Variants in ZC3H3 observed in about 807,000 individuals in gnomAD.
The protein encoded by ZC3H3 is zinc finger CCCH-type containing 3, also known as zinc finger CCCH domain-containing protein 3.
A neutral mutation model predicts 77.3 loss-of-function variants in ZC3H3; 36 were observed. That is an observed-to-expected ratio of 0.47 (90% CI 0.36 to 0.61). The LOEUF (loss-of-function observed/expected upper bound fraction) is 0.61, where lower values mean the gene tolerates loss of function less well. ZC3H3 is among the 20% of genes least tolerant of loss of function. The probability of loss-of-function intolerance (pLI) is 0.00; values close to 1 mark genes in which losing one functional copy is unlikely to be tolerated. For synonymous variants in ZC3H3, 626 were observed against 555.2 expected (o/e 1.13, Z -1.79); for missense variants, 1,331 against 1,312.2 (o/e 1.01, Z -0.22).
intron 3 of ZC3H3, among the ~76,000 whole-genome samples, chr8:143,528,469 G>A (rs1822491300): frequency 6.6e-6 from 1 of 152,216 alleles, no homozygotes; most frequent in Admixed American, 6.5e-5. Flanking sequence ...GCCTCCCGGG[G>A]AGATCGCCAG....
chr8:143,485,418 C>T (rs935483935), intron 4 of ZC3H3, among the ~76,000 whole-genome samples: 5 of 152,198 alleles, frequency 3.3e-5, no homozygotes, highest in African/African-American at 1.2e-4. Flanking sequence ...ACAGCCCATA[C>T]ATCTGCTCAC....
At chr8:143,509,793 A>G (rs1821817241) in intron 3 of ZC3H3, among the ~76,000 whole-genome samples, 1 of 152,084 alleles carries the variant, frequency 6.6e-6, no homozygotes, top group African/African-American at 2.4e-5. Flanking sequence ...TCCCCTCCCC[A>G]TCAACCTCTT....
Position 143,507,864 on chromosome 8 carries a change from T to A in ZC3H3, c.1597A>T (p.Ser533Cys). ...CGGTAGCGGGTCTTGATCACCTTGC[T>A]GGTGGGTGCAGTCCGCACGGCATGC... is the stretch of plus-strand genomic sequence containing the variant. ...SLHAVRTAPT[S>C]KVIKTRYRIV... The change falls in exon 4 of 12, where the codon AGC becomes TGC. Residue 533 changes from serine to cysteine, a missense_variant. Physicochemically the swap from Ser to Cys is moderately radical, Grantham distance 112 (BLOSUM62 -1). This residue lies in a region of ZC3H3 where 978 missense variants were observed against 915.5 expected (regional missense o/e 1.07). Transcript: ENST00000262577. 6.2e-7 allele frequency: 1 copy of A among 1,609,482 alleles called. No homozygotes were observed. Among genetic ancestry groups the A allele is most frequent in the South Asian group, 1.1e-5 (1 of 90,708 alleles).
intron 8 of ZC3H3, among the ~76,000 whole-genome samples, chr8:143,467,740 A>G (rs939985513): frequency 1.3e-5 from 2 of 152,168 alleles, no homozygotes; most frequent in African/African-American, 4.8e-5. Context: ...CACATGAGCC[A>G]GGAGTCCAGC....
intron 3 of ZC3H3, among the ~76,000 whole-genome samples, chr8:143,510,809 A>G (rs1202231239): frequency 6.6e-6 from 1 of 152,128 alleles, no homozygotes; most frequent in African/African-American, 2.4e-5. Context: ...TCCCCTCATT[A>G]CAGACTCCCA....
intron 1 of ZC3H3, among the ~76,000 whole-genome samples, chr8:143,540,918 C>G (rs1300523731): frequency 6.6e-6 from 1 of 151,746 alleles, no homozygotes; most frequent in South Asian, 2.1e-4. Context: ...ATCGCGTCAC[C>G]GCACCCCAGC....
intron 9 of ZC3H3, among the ~76,000 whole-genome samples, chr8:143,457,007 A>T (rs1272728769): frequency 1.3e-5 from 2 of 152,248 alleles, no homozygotes; most frequent in Non-Finnish European, 2.9e-5. Context: ...AATTATAGTT[A>T]GAGACTTCAG....
At chr8:143,447,043 T>A (rs1342661395) in intron 9 of ZC3H3, among the ~76,000 whole-genome samples, 3 of 152,236 alleles carry the variant, frequency 2.0e-5, no homozygotes, top group Non-Finnish European at 4.4e-5. Context: ...GCACAGGGAC[T>A]GGGCCAGGCT....
Position 143,440,279 on chromosome 8 carries a change from G to C in ZC3H3, c.2577C>G (p.His859Gln). Reference sequence around the variant, plus strand: ...AGGGAGAGGCTGACCCCCCTGGGCAGTGGGGAGGTGCAGCCACGGCAGCCG... The same window carrying C: ...AGGGAGAGGCTGACCCCCCTGGGCACTGGGGAGGTGCAGCCACGGCAGCCG... ...LTAAAVAAPP[H>Q]CPGGSASPSS... Residue 859 changes from histidine to glutamine, a missense_variant, in exon 11 of 12, where the codon CAC (histidine) becomes CAG (glutamine). Physicochemically the swap from His to Gln is conservative, Grantham distance 24. This residue lies in a region of ZC3H3 where 249 missense variants were observed against 236.9 expected (regional missense o/e 1.05). Coordinates refer to ENST00000262577, the MANE Select transcript of ZC3H3 (RefSeq NM_015117.3). The C allele has an allele frequency of 6.3e-7, 1 of 1,577,686 alleles. No individual in the cohort carries two copies. The highest frequency in any genetic ancestry group is 8.6e-7 in the Non-Finnish European group (1 of 1,159,912).
At chr8:143,442,517 C>T (rs1389757543) in intron 9 of ZC3H3, among the ~76,000 whole-genome samples, 3 of 150,146 alleles carry the variant, frequency 2.0e-5, no homozygotes, top group Middle Eastern at 3.5e-3. Context: ...GGTACTGGGA[C>T]GGGCGTGGGG....
At chr8:143,449,851 C>G (rs1819946003) in intron 9 of ZC3H3, among the ~76,000 whole-genome samples, 1 of 152,208 alleles carries the variant, frequency 6.6e-6, no homozygotes, top group South Asian at 2.1e-4. Flanking sequence ...TGCAGCCAAC[C>G]TCTTTGCTAG....
intron 3 of ZC3H3, among the ~76,000 whole-genome samples, chr8:143,529,958 G>T (rs907332403): frequency 1.1e-4 from 16 of 152,322 alleles, no homozygotes; most frequent in African/African-American, 3.6e-4. Flanking sequence ...TGCCCTTTCT[G>T]CCAGTGAGCT....
intron 4 of ZC3H3, among the ~76,000 whole-genome samples, chr8:143,505,401 A>G (rs893378674): frequency 1.3e-5 from 2 of 152,178 alleles, no homozygotes; most frequent in African/African-American, 4.8e-5. Flanking sequence ...CTTTCTGCCT[A>G]AACAACCCCG....
At chr8:143,456,340 T>C (rs1015614407) in intron 9 of ZC3H3, among the ~76,000 whole-genome samples, 2 of 152,172 alleles carry the variant, frequency 1.3e-5, no homozygotes, top group Non-Finnish European at 2.9e-5. Flanking sequence ...GTCCTACATA[T>C]ATCAACTAAA....
At chr8:143,527,934 C>T (rs930195188) in intron 3 of ZC3H3, among the ~76,000 whole-genome samples, 11 of 152,254 alleles carry the variant, frequency 7.2e-5, no homozygotes, top group African/African-American at 1.4e-4. Context: ...CAAAGTCTCC[C>T]GCCAGGCCAC....
At chr8:143,473,086 A>G (rs114200485) in intron 5 of ZC3H3, among the ~76,000 whole-genome samples, 298 of 152,302 alleles carry the variant, frequency 2.0e-3, no homozygotes, top group African/African-American at 6.8e-3. Flanking sequence ...CATGGTCTCC[A>G]TGGCTGCTGT....
At chr8:143,465,589 C>T (rs1466484702) in intron 9 of ZC3H3, 128 bp downstream of exon 9, 20 of 1,404,478 alleles carry the variant, frequency 1.4e-5, no homozygotes, top group African/African-American at 7.1e-5. Flanking sequence ...GTGAGGTGGA[C>T]GTGATGGCAC....
chr8:143,534,637 C>A (rs1368086353), intron 3 of ZC3H3, among the ~76,000 whole-genome samples: 1 of 96,110 alleles, frequency 1.0e-5, no homozygotes, highest in East Asian at 2.2e-4. Flanking sequence ...GAGCTGGACA[C>A]CTCCCCAACC....
At chr8:143,527,842 C>T (rs1482495825) in intron 3 of ZC3H3, among the ~76,000 whole-genome samples, 5 of 152,206 alleles carry the variant, frequency 3.3e-5, no homozygotes, top group Middle Eastern at 3.2e-3. Flanking sequence ...CCAAAGGCAC[C>T]GCTCAGCCCC....
Sources: gnomAD v4.1 joint callset for allele counts (sites outside exome capture counted in the v4.1 genomes callset) on GRCh38, gnomAD v4.1.1 for gene constraint, gnomAD v4.1.1 regional missense constraint, MANE v1.5 for transcripts, NCBI Gene and HGNC (gene_info 2026-07-23, HGNC 2026-07-21) for gene names.